Variants in ALX4 observed in about 807,000 individuals in gnomAD.
ALX4 encodes homeobox protein aristaless-like 4.
In ALX4, 22 loss-of-function variants were observed where a neutral mutation model predicts 40.6. The observed-to-expected ratio is 0.54, with a 90% CI of 0.39 to 0.77. ALX4 has a LOEUF of 0.77. ALX4 is among the 30% of genes least tolerant of loss of function. ALX4 has a pLI of 0.00. For missense variants in ALX4, 556 were observed against 564.8 expected (o/e 0.98, Z 0.16); for synonymous variants, 266 against 240.5 (o/e 1.11, Z -0.98).
chr11:44,279,996 T>C (rs1956299698), intron 1 of ALX4, among the ~76,000 whole-genome samples: 1 of 152,220 alleles, frequency 6.6e-6, no homozygotes, highest in African/African-American at 2.4e-5. Context: ...GCACCTTTGG[T>C]GAGCCGATGT....
chr11:44,286,851 A>C (rs1324119698), intron 1 of ALX4, among the ~76,000 whole-genome samples: 3 of 152,204 alleles, frequency 2.0e-5, no homozygotes, highest in Non-Finnish European at 4.4e-5. Flanking sequence ...CACCAGTGTC[A>C]CTAGTGACTG....
At chr11:44,294,030 G>A (rs1483864909) in intron 1 of ALX4, among the ~76,000 whole-genome samples, 1 of 152,186 alleles carries the variant, frequency 6.6e-6, no homozygotes, top group Non-Finnish European at 1.5e-5. Context: ...CGTCTACAGA[G>A]CTCTCACATG....
Position 44,309,910 on chromosome 11 carries a change from G to C in ALX4, c.153C>G (p.Ala51=). 6.3e-7 allele frequency: 1 copy of C among 1,588,620 alleles called. No individual in the cohort carries two copies. Among genetic ancestry groups the C allele is most frequent in the Non-Finnish European group, 8.6e-7 (1 of 1,167,110 alleles). Residue 51 remains alanine, a synonymous_variant, in exon 1 of 4, where the codon GCC becomes GCG. Transcript: ENST00000652299. ...CGTCCCCGAATCCCTGTGCTTTGGC[G>C]GCGGCCGACAGGAAAGTTGTGCCGA... ...DKFGTTFLSA[A]AKAQGFGDAK...
At chr11:44,309,514 T>C in intron 1 of ALX4, 83 bp downstream of exon 1, 1 of 1,521,578 alleles carries the variant, frequency 6.6e-7, no homozygotes, top group Non-Finnish European at 8.8e-7. Flanking sequence ...AACTCATACC[T>C]CCCGCAAGCC....
intron 1 of ALX4, among the ~76,000 whole-genome samples, chr11:44,291,020 C>G (rs117917359): frequency 0.019 from 2,868 of 152,316 alleles, 41 homozygotes; most frequent in Middle Eastern, 0.031. Context: ...CACCTGCTTC[C>G]TTCCCCAGGT....
Position 44,275,624 on chromosome 11 carries a change from G to C in ALX4, c.501C>G (p.Pro167=), listed in dbSNP as rs1260212418. The C allele has an allele frequency of 6.2e-7, 1 of 1,613,414 alleles. No homozygotes were observed. The highest frequency in any genetic ancestry group is 1.3e-5 in the African/African-American group (1 of 74,906). Residue 167 remains proline (P), a synonymous_variant, in exon 2 of 4, where the codon CCC becomes CCG. Coordinates refer to ENST00000652299, the MANE Select transcript of ALX4 (RefSeq NM_021926.4). ...CCATCCCCACAGTGTCAGAGTCAGG[G>C]GGTAACTCTGGCTCACCCAGGGAGC... is the stretch of plus-strand genomic sequence containing the variant. ...KESSLGEPEL[P]PDSDTVGMDS... is the part of the protein sequence containing the mutation.
Position 44,260,478 on chromosome 11 carries a change from C to G in ALX4, c.*4376G>C, listed in dbSNP as rs1956176503. On this transcript the variant is annotated 3_prime_UTR_variant, in exon 4 of 4. Coordinates refer to ENST00000652299, the MANE Select transcript of ALX4 (RefSeq NM_021926.4). ...AGAAGGAGTTTATTGCAAATAACAACAACCAAACAGTTTGGGCTGGGCCAG... is the reference window on the plus strand; with the variant it reads ...AGAAGGAGTTTATTGCAAATAACAAGAACCAAACAGTTTGGGCTGGGCCAG... The G allele has an allele frequency of 6.6e-6, 1 of 152,122 alleles. No individual in the cohort carries two copies. The highest frequency in any genetic ancestry group is 1.5e-5 in the Non-Finnish European group (1 of 68,026). 9.4% of individuals were successfully genotyped at this position (152,122 alleles called of 1,614,324 possible).
At chr11:44,276,822 T>G (rs1257024099) in intron 1 of ALX4, among the ~76,000 whole-genome samples, 1 of 152,148 alleles carries the variant, frequency 6.6e-6, no homozygotes, top group Non-Finnish European at 1.5e-5. Context: ...TGGTTCACAG[T>G]AGGATTCACG....
intron 1 of ALX4, among the ~76,000 whole-genome samples, chr11:44,281,397 G>A (rs1441608892): frequency 6.6e-6 from 1 of 151,916 alleles, no homozygotes; most frequent in Non-Finnish European, 1.5e-5. Flanking sequence ...GGACATGGGT[G>A]GTGTGGGCCT....
chr11:44,291,906 C>A (rs1011153998), intron 1 of ALX4, among the ~76,000 whole-genome samples: 1 of 152,166 alleles, frequency 6.6e-6, no homozygotes, highest in Non-Finnish European at 1.5e-5. Context: ...GCAACCTCTG[C>A]CCCCCAGGTT....
chr11:44,277,759 A>G (rs560398072), intron 1 of ALX4, among the ~76,000 whole-genome samples: 2 of 152,186 alleles, frequency 1.3e-5, no homozygotes, highest in Non-Finnish European at 1.5e-5. Flanking sequence ...GAAAGGGCAT[A>G]GAGGTGAGTG....
intron 2 of ALX4, among the ~76,000 whole-genome samples, chr11:44,272,448 G>C (rs1299318389): frequency 6.6e-6 from 1 of 151,374 alleles, no homozygotes; most frequent in Non-Finnish European, 1.5e-5. Context: ...AGGTTGCAGT[G>C]AGCCAAGATT....
At chr11:44,309,138 T>C (rs12800723) in intron 1 of ALX4, among the ~76,000 whole-genome samples, 138,854 of 144,352 alleles carry the variant, frequency 0.96, 66,938 homozygotes, top group Non-Finnish European at 0.99. Context: ...GGAGCGAGGC[T>C]TCTGCAGTCC....
At chr11:44,270,985 A>G (rs1956243444) in intron 2 of ALX4, among the ~76,000 whole-genome samples, 1 of 152,208 alleles carries the variant, frequency 6.6e-6, no homozygotes, top group Non-Finnish European at 1.5e-5. Flanking sequence ...AGCCCCCTGG[A>G]GCAGGGCCAA....
intron 1 of ALX4, among the ~76,000 whole-genome samples, chr11:44,296,888 A>C (rs958036280): frequency 1.3e-5 from 2 of 152,138 alleles, no homozygotes; most frequent in Non-Finnish European, 2.9e-5. Flanking sequence ...GGGTGCCTGT[A>C]ATCCCAGCTA....
At chr11:44,276,594 G>A (rs912038228) in intron 1 of ALX4, among the ~76,000 whole-genome samples, 1 of 152,238 alleles carries the variant, frequency 6.6e-6, no homozygotes, top group African/African-American at 2.4e-5. Flanking sequence ...CACACAGCCT[G>A]GTGAGCTTCC....
In ALX4 at chr11:44,273,089, A is replaced by T. The variant is rs76117098; in HGVS notation, c.777+2259T>A. Among the ~76,000 whole-genome samples, 1,315 of 152,102 alleles carry T rather than the reference A, an allele frequency of 8.6e-3. 20 individuals are homozygous for T. Among genetic ancestry groups the T allele is most frequent in the African/African-American group, 0.03 (1,249 of 41,464 alleles). On this transcript the variant is annotated intron_variant, in intron 2 of 3. Transcript: ENST00000652299. ...CTGCTGAAGATGCTTTCATGAGTTA[A>T]TTCAAGAGTCCCTGGGGCCTGCTGA...
intron 1 of ALX4, among the ~76,000 whole-genome samples, chr11:44,282,008 C>T (rs571913409): frequency 8.5e-5 from 13 of 152,094 alleles, no homozygotes; most frequent in East Asian, 1.9e-4. Flanking sequence ...GAAATGCTCT[C>T]GAAATAAGGA....
intron 1 of ALX4, among the ~76,000 whole-genome samples, chr11:44,308,517 C>T (rs559343468): frequency 1.3e-5 from 2 of 152,354 alleles, no homozygotes; most frequent in South Asian, 4.1e-4. Context: ...AAGGTTTTTC[C>T]CTTTCTGCGT....
Sources: allele counts gnomAD v4.1 joint callset (sites outside exome capture counted in the v4.1 genomes callset), GRCh38; gene constraint gnomAD v4.1.1; transcripts MANE v1.5; gene names NCBI Gene and HGNC (gene_info 2026-07-23, HGNC 2026-07-21).